The following GPR158 variants were observed in gnomAD, a reference collection of about 807,000 sequenced individuals.
GPR158 encodes the protein G protein-coupled receptor 158.
GPR158 carries 30 observed loss-of-function variants against 78.2 expected under a neutral mutation model. The ratio of observed to expected loss-of-function variants is 0.38; its 90% CI spans 0.29 to 0.52. The LOEUF is 0.52. Ranked by LOEUF, GPR158 falls within the 20% of genes least tolerant of loss-of-function variation. GPR158 has a pLI of 0.83. For missense variants in GPR158, 1,463 were observed against 1,523.5 expected, an observed-to-expected ratio of 0.96 and a Z score of 0.66; for synonymous variants, 581 against 591.1, an observed-to-expected ratio of 0.98 and a Z score of 0.25.
At chr10:25,285,281 G>A (rs761601027) in intron 2 of GPR158, among the ~76,000 whole-genome samples, 16 of 150,104 alleles carry the variant, frequency 1.1e-4, no homozygotes, top group East Asian at 1.9e-4. Context: ...ACACACACAC[G>A]TATGCATTGA....
At chr10:25,476,625 T>C (rs1473716014) in intron 5 of GPR158, among the ~76,000 whole-genome samples, 1 of 152,220 alleles carries the variant, frequency 6.6e-6, no homozygotes, top group Non-Finnish European at 1.5e-5. Flanking sequence ...AGAGCGATTA[T>C]GATTCAGATT....
intron 5 of GPR158, among the ~76,000 whole-genome samples, chr10:25,483,380 C>A (rs186974122): frequency 6.6e-6 from 1 of 152,168 alleles, no homozygotes; most frequent in East Asian, 1.9e-4. Context: ...TTCCTCCCCC[C>A]TTTCATGTCT....
At chr10:25,321,122 C>T (rs138791328) in intron 2 of GPR158, among the ~76,000 whole-genome samples, 1 of 152,242 alleles carries the variant, frequency 6.6e-6, no homozygotes, top group East Asian at 1.9e-4. Flanking sequence ...ACTCAGTTTC[C>T]TCAATTGCAA....
intron 2 of GPR158, among the ~76,000 whole-genome samples, chr10:25,227,035 CATTTG>C (rs1176300931): frequency 2.0e-5 from 3 of 152,070 alleles, no homozygotes; most frequent in Non-Finnish European, 4.4e-5. Context: ...AAGCCTATCT[CATTTG>C]ATTTTGTTAC....
At chr10:25,586,391 A>ATTT (rs71399977) in intron 7 of GPR158, among the ~76,000 whole-genome samples, 18 of 70,906 alleles carry the variant, frequency 2.5e-4, no homozygotes, top group Admixed American at 6.3e-4. Context: ...GTATGTGTGA[A>ATTT]TTTTTTTTTT....
Position 25,600,081 on chromosome 10 carries a change from ACTG to A in GPR158, c.*808_*810del, listed in dbSNP as rs1169087429. Reference sequence around the variant, plus strand: ...ATTATTTCACATCATGGTTTGTTATACTGTCTTAATCAGGGTTTTTTATACAAG... The same window carrying A: ...ATTATTTCACATCATGGTTTGTTATATCTTAATCAGGGTTTTTTATACAAG... On this transcript the variant is annotated 3_prime_UTR_variant, in exon 11 of 11. Transcript: ENST00000376351. 6.6e-6 allele frequency: 1 copy of A among 152,632 alleles called. No homozygotes were observed. Among genetic ancestry groups the A allele is most frequent in the East Asian group, 1.9e-4 (1 of 5,198 alleles). 9.5% of individuals were successfully genotyped at this position (152,632 alleles called of 1,614,324 possible).
At chr10:25,562,390 A>C (rs1179802122) in intron 6 of GPR158, among the ~76,000 whole-genome samples, 1 of 152,164 alleles carries the variant, frequency 6.6e-6, no homozygotes, top group Non-Finnish European at 1.5e-5. Flanking sequence ...GTAAAAGATA[A>C]GGTTATTGAC....
chr10:25,514,272 T>C (rs556304449), intron 5 of GPR158, among the ~76,000 whole-genome samples: 12 of 152,334 alleles, frequency 7.9e-5, no homozygotes, highest in African/African-American at 2.9e-4. Context: ...TCTGTCTTTT[T>C]TTAACTGCTG....
intron 1 of GPR158, among the ~76,000 whole-genome samples, chr10:25,187,465 AG>A: frequency 6.6e-6 from 1 of 152,314 alleles, no homozygotes; most frequent in Admixed American, 6.5e-5. Flanking sequence ...CTGGGATGCA[AG>A]GCTAGTTCAA....
intron 5 of GPR158, among the ~76,000 whole-genome samples, chr10:25,496,163 C>G (rs1197659488): frequency 6.6e-6 from 1 of 152,150 alleles, no homozygotes; most frequent in Non-Finnish European, 1.5e-5. Flanking sequence ...CCCCGCTCCC[C>G]CAACCATGTG....
At chr10:25,321,642 AAAATAAAC>A (rs1564421786) in intron 2 of GPR158, among the ~76,000 whole-genome samples, 1 of 83,896 alleles carries the variant, frequency 1.2e-5, no homozygotes, top group African/African-American at 4.9e-5. Context: ...ACCCTCCTTT[AAAATAAAC>A]AAACAAACAA....
intron 2 of GPR158, among the ~76,000 whole-genome samples, chr10:25,268,979 A>G (rs538655840): frequency 6.6e-6 from 1 of 152,278 alleles, no homozygotes; most frequent in South Asian, 2.1e-4. Context: ...TCTTTAAGCA[A>G]TTACTTGTGC....
chr10:25,282,691 GT>G (rs1205872284), intron 2 of GPR158, among the ~76,000 whole-genome samples: 4 of 152,000 alleles, frequency 2.6e-5, no homozygotes, highest in Non-Finnish European at 5.9e-5. Context: ...TGTACTTCTG[GT>G]TTTAATTTGT....
intron 2 of GPR158, among the ~76,000 whole-genome samples, chr10:25,369,852 T>G (rs1833960085): frequency 6.6e-6 from 1 of 152,248 alleles, no homozygotes. Flanking sequence ...CAGCTCCTGT[T>G]ATTGGTCTAT....
rs575719240 is a variant in GPR158, at chr10:25,491,083, CT to C, written c.1404+24367del. 1.8e-3 allele frequency among the ~76,000 whole-genome samples: 272 copies of C among 152,190 alleles called. 2 individuals carry two copies. The highest frequency in any genetic ancestry group is 6.1e-3 in the African/African-American group (255 of 41,522). On this transcript the variant is annotated intron_variant, in intron 5 of 10. Transcript: ENST00000376351. ...CCAAATAAAAGCATGAAGAATTGAG[CT>C]TTGTGATGTTCAAGGTAGATTTTTA... is the stretch of plus-strand genomic sequence containing the variant.
At position 25,598,558 on chromosome 10, in the gene GPR158, C is replaced by T. The variant is rs777684801; in HGVS notation, c.2932C>T (p.Gln978Ter). 6.2e-7 allele frequency: 1 copy of T among 1,613,720 alleles called. No individual in the cohort carries two copies. Among genetic ancestry groups the T allele is most frequent in the South Asian group, 1.1e-5 (1 of 91,054 alleles). ...GCCTCAGAAATCTGGGATTATGAAA[C>T]AACAAAGGGTCAACCCCACCACTGC... ...RKPQKSGIMKQQRVNPTTANS... is the reference protein window; with the variant it reads ...RKPQKSGIMK The change falls in exon 11 of 11, where the codon CAA (glutamine) becomes TAA (stop). Residue 978 changes from glutamine to a stop codon, truncating the protein, a stop_gained. Transcript: ENST00000376351. LOFTEE classifies it low-confidence loss of function (END_TRUNC).
At chr10:25,437,863 G>C (rs1835018554) in intron 4 of GPR158, among the ~76,000 whole-genome samples, 1 of 152,136 alleles carries the variant, frequency 6.6e-6, no homozygotes, top group African/African-American at 2.4e-5. Context: ...CCATAGAGGA[G>C]CCCGAGGATT....
intron 7 of GPR158, among the ~76,000 whole-genome samples, chr10:25,587,616 C>T (rs1194724239): frequency 1.3e-5 from 2 of 152,104 alleles, no homozygotes; most frequent in African/African-American, 2.4e-5. Context: ...TCCCTTTGCT[C>T]GATCCAATAC....
chr10:25,470,204 A>G (rs563500409), intron 5 of GPR158, among the ~76,000 whole-genome samples: 1 of 152,214 alleles, frequency 6.6e-6, no homozygotes, highest in African/African-American at 2.4e-5. Flanking sequence ...AAATAGAGAT[A>G]TATTTACATA....
Sources: gnomAD v4.1 joint callset for allele counts (sites outside exome capture counted in the v4.1 genomes callset) on GRCh38, gnomAD v4.1.1 for gene constraint, MANE v1.5 for transcripts, NCBI Gene and HGNC (gene_info 2026-07-23, HGNC 2026-07-21) for gene names.